PPARD: variants seen among roughly 807,000 people sequenced by gnomAD.
The protein encoded by PPARD is peroxisome proliferator activated receptor delta.
PPARD carries 6 observed loss-of-function variants against 39.5 expected under a neutral mutation model. The ratio of observed to expected loss-of-function variants is 0.15; its 90% CI spans 0.08 to 0.30. The LOEUF is 0.30. Ranked by LOEUF, PPARD falls within the 10% of genes least tolerant of loss-of-function variation. PPARD has a pLI of 1.00. For missense variants in PPARD, 397 were observed against 596.8 expected (o/e 0.67, Z 3.49); for synonymous variants, 210 against 231.3 (o/e 0.91, Z 0.83).
intron 2 of PPARD, among the ~76,000 whole-genome samples, chr6:35,371,200 G>A (rs1379850089): frequency 6.6e-6 from 1 of 152,252 alleles, no homozygotes; most frequent in Non-Finnish European, 1.5e-5. Context: ...CGGGAATGAT[G>A]CAGAAGAAAG....
intron 2 of PPARD, among the ~76,000 whole-genome samples, chr6:35,409,245 C>T (rs1765266330): frequency 6.6e-6 from 1 of 151,988 alleles, no homozygotes; most frequent in Admixed American, 6.6e-5. Context: ...TGGCTCATGC[C>T]TGTAATTCCA....
chr6:35,343,398 G>A (rs1324039681), intron 1 of PPARD, among the ~76,000 whole-genome samples: 1 of 151,874 alleles, frequency 6.6e-6, no homozygotes, highest in Non-Finnish European at 1.5e-5. Flanking sequence ...GATTTCCTTC[G>A]TATCAATTCT....
chr6:35,424,231 C>T lies in PPARD; in HGVS notation c.627+83C>T. The T allele has an allele frequency of 2.5e-6, 4 of 1,590,124 alleles. No homozygotes were observed. Among genetic ancestry groups the T allele is most frequent in the South Asian group, 1.1e-5 (1 of 88,372 alleles). On this transcript the variant is annotated intron_variant, in intron 6 of 7. Coordinates refer to ENST00000360694, the MANE Select transcript of PPARD (RefSeq NM_006238.5). This position sits in a 1 kb window ranked among gnomAD's most constrained non-coding sequence, Gnocchi z 7.1. Reference sequence around the variant, plus strand: ...CTGCCTGACTCCGGGAGAGCCAGGCCTTCTCCCTCCCTCAACTTCATGGTG... The same window carrying T: ...CTGCCTGACTCCGGGAGAGCCAGGCTTTCTCCCTCCCTCAACTTCATGGTG...
At chr6:35,387,504 G>GGGTGAA (rs996888627) in intron 2 of PPARD, among the ~76,000 whole-genome samples, 1 of 152,114 alleles carries the variant, frequency 6.6e-6, no homozygotes, top group South Asian at 2.1e-4. Flanking sequence ...CCAGCCCCAG[G>GGGTGAA]GGTGAAGGTG....
At chr6:35,376,163 A>G (rs1342064457) in intron 2 of PPARD, among the ~76,000 whole-genome samples, 5 of 152,230 alleles carry the variant, frequency 3.3e-5, no homozygotes, top group African/African-American at 7.2e-5. Context: ...AGCTTTACAC[A>G]GAGTTTCTGT....
chr6:35,379,692 C>T (rs1763030800), intron 2 of PPARD, among the ~76,000 whole-genome samples: 1 of 152,190 alleles, frequency 6.6e-6, no homozygotes, highest in African/African-American at 2.4e-5. Flanking sequence ...GTGCTTTTGC[C>T]CAAAAGGAGC....
At chr6:35,390,736 G>A (rs1763959083) in intron 2 of PPARD, among the ~76,000 whole-genome samples, 1 of 152,082 alleles carries the variant, frequency 6.6e-6, no homozygotes, top group Admixed American at 6.6e-5. Context: ...GTGGTTTGGT[G>A]GTTTGGTTGG....
At chr6:35,367,926 A>G (rs1762291011) in intron 2 of PPARD, among the ~76,000 whole-genome samples, 1 of 152,228 alleles carries the variant, frequency 6.6e-6, no homozygotes, top group African/African-American at 2.4e-5. Flanking sequence ...CCACCTCTTG[A>G]TGGAAAGAGT....
At chr6:35,391,291 A>C (rs1039003756) in intron 2 of PPARD, among the ~76,000 whole-genome samples, 9 of 152,264 alleles carry the variant, frequency 5.9e-5, no homozygotes, top group African/African-American at 1.9e-4. Flanking sequence ...AAAAGTTAAA[A>C]GAATAAAACA....
intron 2 of PPARD, among the ~76,000 whole-genome samples, chr6:35,384,377 C>T (rs1388289212): frequency 7.3e-6 from 1 of 136,676 alleles, no homozygotes; most frequent in East Asian, 2.3e-4. Flanking sequence ...GCCTGGCTGC[C>T]CCTACTGGGA....
chr6:35,379,255 C>T (rs1762996882), intron 2 of PPARD, among the ~76,000 whole-genome samples: 1 of 152,058 alleles, frequency 6.6e-6, no homozygotes, highest in South Asian at 2.1e-4. Context: ...AGGCATCCGC[C>T]ACCACGCTCG....
At chr6:35,409,811 G>A (rs2150773452) in intron 2 of PPARD, among the ~76,000 whole-genome samples, 1 of 152,284 alleles carries the variant, frequency 6.6e-6, no homozygotes, top group Non-Finnish European at 1.5e-5. Context: ...GTACAAACTT[G>A]GCTGTACATT....
At chr6:35,407,207 G>A (rs994407853) in intron 2 of PPARD, among the ~76,000 whole-genome samples, 7 of 152,274 alleles carry the variant, frequency 4.6e-5, no homozygotes, top group East Asian at 3.9e-4. Context: ...CCTGCTAAGC[G>A]GGGACCCCAC....
chr6:35,410,689 A>T (rs1054372686), intron 2 of PPARD, among the ~76,000 whole-genome samples: 2 of 152,174 alleles, frequency 1.3e-5, no homozygotes, highest in African/African-American at 4.8e-5. Flanking sequence ...GGAGACTCAG[A>T]ACAGAAGGCA....
At chr6:35,353,196 C>G (rs1479802831) in intron 2 of PPARD, among the ~76,000 whole-genome samples, 1 of 152,094 alleles carries the variant, frequency 6.6e-6, no homozygotes, top group Non-Finnish European at 1.5e-5. Flanking sequence ...GTTCTTTGGG[C>G]AATGGGGGAG....
intron 2 of PPARD, among the ~76,000 whole-genome samples, chr6:35,390,864 A>AT (rs1365018638): frequency 6.6e-6 from 1 of 152,022 alleles, no homozygotes. Context: ...TCTATTAAAA[A>AT]TAAAAAAAAT....
intron 2 of PPARD, chr6:35,348,879 T>A (rs1044247785): frequency 2.0e-6 from 2 of 985,436 alleles, no homozygotes; most frequent in African/African-American, 3.5e-5. Flanking sequence ...GGAGAGCTAC[T>A]GAGTTGAACT....
chr6:35,383,471 G>A (rs1387309870), intron 2 of PPARD, among the ~76,000 whole-genome samples: 1 of 151,908 alleles, frequency 6.6e-6, no homozygotes, highest in Non-Finnish European at 1.5e-5. Context: ...GAAGTGAGGA[G>A]CGTCTCTGCT....
At chr6:35,376,835 G>A (rs1039762376) in intron 2 of PPARD, among the ~76,000 whole-genome samples, 4 of 151,810 alleles carry the variant, frequency 2.6e-5, no homozygotes, top group Non-Finnish European at 5.9e-5. Flanking sequence ...CCTGGCTAAC[G>A]CGGTGAAACC....
Sources: gnomAD v4.1 joint callset for allele counts (sites outside exome capture counted in the v4.1 genomes callset) on GRCh38, gnomAD v4.1.1 for gene constraint, Gnocchi (gnomAD v3.1) non-coding constraint, MANE v1.5 for transcripts, NCBI Gene and HGNC (gene_info 2026-07-23, HGNC 2026-07-21) for gene names.